Variants in SEMA3E observed in about 807,000 individuals in gnomAD.
The protein encoded by SEMA3E is semaphorin-3E.
In SEMA3E, 49 loss-of-function variants were observed where a neutral mutation model predicts 93.6. The ratio of observed to expected loss-of-function variants is 0.52; its 90% CI spans 0.42 to 0.66. The LOEUF is 0.66. SEMA3E is among the 30% of genes least tolerant of loss of function. SEMA3E has a pLI of 0.00. For synonymous variants in SEMA3E, 363 were observed against 330.7 expected, an observed-to-expected ratio of 1.10 and a Z score of -1.06; for missense variants, 906 against 964.8, an observed-to-expected ratio of 0.94 and a Z score of 0.81.
At chr7:83,477,830 T>C (rs1790048509) in intron 2 of SEMA3E, among the ~76,000 whole-genome samples, 1 of 152,040 alleles carries the variant, frequency 6.6e-6, no homozygotes, top group Non-Finnish European at 1.5e-5. Flanking sequence ...ACAATAAAGT[T>C]GAATAAATGA....
chr7:83,473,346 G>A (rs537724083), intron 2 of SEMA3E, among the ~76,000 whole-genome samples: 6 of 152,198 alleles, frequency 3.9e-5, no homozygotes, highest in Non-Finnish European at 2.9e-5. Context: ...TGTATTGCTA[G>A]GCCTGTGACA....
At chr7:83,647,319 GT>G (rs1490638164) in intron 1 of SEMA3E, among the ~76,000 whole-genome samples, 1 of 151,938 alleles carries the variant, frequency 6.6e-6, no homozygotes, top group Non-Finnish European at 1.5e-5. Flanking sequence ...CTCCCTTTTT[GT>G]TTCTCCTGAT....
At position 83,437,125 on chromosome 7, in the gene SEMA3E, A is replaced by T. The variant is rs1283971156; in HGVS notation, c.457-18642T>A. ...CTGGGTCCTGGTGGAATTCAAGATG[A>T]GATTTGGGTCAGGAGACAGCCAAAC... is the stretch of plus-strand genomic sequence containing the variant. On this transcript the variant is annotated intron_variant, in intron 4 of 16. Transcript: ENST00000643230. Among the ~76,000 whole-genome samples, 5 of 152,186 alleles carry T rather than the reference A, an allele frequency of 3.3e-5. No individual in the cohort carries two copies. The South Asian group carries it at 1.0e-3, about 32-fold the overall frequency.
chr7:83,625,089 T>A (rs962404924), intron 1 of SEMA3E, among the ~76,000 whole-genome samples: 2 of 152,218 alleles, frequency 1.3e-5, no homozygotes, highest in East Asian at 1.9e-4. Flanking sequence ...CCTACATATC[T>A]GTTTTGGTAC....
Position 83,550,371 on chromosome 7 carries a change from A to G in SEMA3E, c.116-60097T>C, listed in dbSNP as rs540642406. Among the ~76,000 whole-genome samples the G allele has an allele frequency of 1.9e-4, 29 of 152,222 alleles. No homozygotes were observed. In the South Asian group the frequency reaches 5.8e-3, roughly 30 times the overall value. On this transcript the variant is annotated intron_variant, in intron 1 of 16. Coordinates refer to ENST00000643230, the MANE Select transcript of SEMA3E (RefSeq NM_012431.3). ...CATGTGTGTGGCACCCAGTGATATCAGTGGAATGCTGACATATATAGTAAG... is the reference window on the plus strand; with the variant it reads ...CATGTGTGTGGCACCCAGTGATATCGGTGGAATGCTGACATATATAGTAAG...
intron 16 of SEMA3E, among the ~76,000 whole-genome samples, chr7:83,381,394 T>A (rs750400807): frequency 2.0e-4 from 30 of 151,974 alleles, no homozygotes; most frequent in Non-Finnish European, 3.4e-4. Flanking sequence ...GTCCAGAAAG[T>A]TTTTATCTCA....
At chr7:83,624,860 C>T (rs1038116687) in intron 1 of SEMA3E, among the ~76,000 whole-genome samples, 1 of 151,976 alleles carries the variant, frequency 6.6e-6, no homozygotes, top group East Asian at 1.9e-4. Flanking sequence ...GGTTTTAGGT[C>T]TTACATTTAA....
At chr7:83,480,901 G>A (rs1790130169) in intron 2 of SEMA3E, among the ~76,000 whole-genome samples, 1 of 151,868 alleles carries the variant, frequency 6.6e-6, no homozygotes, top group African/African-American at 2.4e-5. Context: ...ATAAATTGCA[G>A]GGAATGGGTG....
intron 1 of SEMA3E, among the ~76,000 whole-genome samples, chr7:83,596,051 A>G (rs1792866637): frequency 6.6e-6 from 1 of 151,984 alleles, no homozygotes; most frequent in African/African-American, 2.4e-5. Context: ...AATTGTAATT[A>G]TTCTGTAAGG....
chr7:83,609,657 C>T (rs2115576355), intron 1 of SEMA3E, among the ~76,000 whole-genome samples: 1 of 151,976 alleles, frequency 6.6e-6, no homozygotes, highest in Non-Finnish European at 1.5e-5. Context: ...ATTAATTTAA[C>T]AATAAAACAA....
chr7:83,581,112 A>G (rs1271789525), intron 1 of SEMA3E, among the ~76,000 whole-genome samples: 5 of 152,028 alleles, frequency 3.3e-5, no homozygotes, highest in African/African-American at 9.7e-5. Flanking sequence ...AAGTCATTCT[A>G]TATGGTAAGT....
intron 1 of SEMA3E, among the ~76,000 whole-genome samples, chr7:83,515,499 G>C (rs749103679): frequency 1.3e-5 from 2 of 152,118 alleles, no homozygotes; most frequent in Non-Finnish European, 2.9e-5. Context: ...GGAGTGGAGA[G>C]TATGAGATAT....
At chr7:83,647,959 A>T (rs923068843) in intron 1 of SEMA3E, among the ~76,000 whole-genome samples, 1 of 152,014 alleles carries the variant, frequency 6.6e-6, no homozygotes, top group Non-Finnish European at 1.5e-5. Context: ...TTCTCCTCTT[A>T]CCTCCATTAT....
intron 9 of SEMA3E, among the ~76,000 whole-genome samples, chr7:83,404,834 T>C (rs1788297140): frequency 6.6e-6 from 1 of 152,004 alleles, no homozygotes; most frequent in Admixed American, 6.6e-5. Context: ...TTCTTGGATA[T>C]GGCAATTGGT....
chr7:83,533,214 A>C (rs1322958683), intron 1 of SEMA3E, among the ~76,000 whole-genome samples: 1 of 152,068 alleles, frequency 6.6e-6, no homozygotes, highest in Non-Finnish European at 1.5e-5. Context: ...TTCTCATCTT[A>C]ATTTCTGTTT....
intron 1 of SEMA3E, among the ~76,000 whole-genome samples, chr7:83,537,377 A>G (rs1452212464): frequency 6.6e-6 from 1 of 152,218 alleles, no homozygotes; most frequent in Admixed American, 6.5e-5. Flanking sequence ...TCCCTAGAGC[A>G]GTGGTCTTAA....
intron 16 of SEMA3E, among the ~76,000 whole-genome samples, chr7:83,379,429 A>G (rs1333490274): frequency 6.6e-6 from 1 of 151,904 alleles, no homozygotes; most frequent in South Asian, 2.1e-4. Context: ...AAGTTTTGTT[A>G]GTTCTAAATA....
chr7:83,637,914 G>A (rs1030290865), intron 1 of SEMA3E, among the ~76,000 whole-genome samples: 8 of 151,276 alleles, frequency 5.3e-5, no homozygotes, highest in African/African-American at 1.9e-4. Context: ...GGAGGAAATT[G>A]TTGTATTCTG....
At chr7:83,641,593 A>G (rs1794011611) in intron 1 of SEMA3E, among the ~76,000 whole-genome samples, 1 of 152,238 alleles carries the variant, frequency 6.6e-6, no homozygotes, top group Admixed American at 6.5e-5. Context: ...AAGTATAAAC[A>G]AAATAATTCT....
Sources: gnomAD v4.1 joint callset for allele counts (sites outside exome capture counted in the v4.1 genomes callset) on GRCh38, gnomAD v4.1.1 for gene constraint, MANE v1.5 for transcripts, NCBI Gene and HGNC (gene_info 2026-07-23, HGNC 2026-07-21) for gene names.